Variants in CASK observed in about 807,000 individuals in gnomAD.
CASK encodes the protein calcium/calmodulin dependent serine protein kinase.
Under a neutral mutation model 82.9 loss-of-function variants are expected in CASK, and 4 were observed. The observed-to-expected ratio is 0.05, with a 90% CI of 0.02 to 0.11. The LOEUF (loss-of-function observed/expected upper bound fraction) is 0.11, where lower values mean the gene tolerates loss of function less well. Ranked by LOEUF, CASK falls within the 10% of genes least tolerant of loss-of-function variation. The pLI is 1.00. For missense variants in CASK, 358 were observed against 720.9 expected (o/e 0.50, Z 5.76); for synonymous variants, 259 against 253.5 (o/e 1.02, Z -0.20).
chrX:41,816,004 G>A (rs1292454834), intron 2 of CASK, among the ~76,000 whole-genome samples: 1 of 110,867 alleles, frequency 9.0e-6, no homozygotes, highest in Non-Finnish European at 1.9e-5. Context: ...GGGATTACAG[G>A]TACACACCAC....
At chrX:41,588,923 TA>T (rs2065702660) in intron 13 of CASK, among the ~76,000 whole-genome samples, 1 of 111,538 alleles carries the variant, frequency 9.0e-6, no homozygotes, top group South Asian at 3.7e-4. Flanking sequence ...ATTACAACTA[TA>T]AAAAAATTTA....
At chrX:41,558,167 T>G (rs2065181577) in intron 18 of CASK, 1 of 108,751 alleles carries the variant, frequency 9.2e-6, no homozygotes, top group African/African-American at 3.3e-5. Context: ...CCAGAGAGCC[T>G]TCTTTTTTTT....
rs750303051 is a variant in CASK at position 41,564,423 on chromosome X, G to A, written c.1583-2779C>T. The stretch of plus-strand genomic sequence containing the variant: ...GACACCCAGGTGAGTACAGTGGCGT[G>A]ATCATAGCTCACTACAGCCTCGAAC... On this transcript the variant is annotated intron_variant, in intron 16 of 26. Transcript: ENST00000378163. Among the ~76,000 whole-genome samples the A allele has an allele frequency of 3.6e-5, 4 of 111,665 alleles. No individual in the cohort carries two copies. In the South Asian group the frequency reaches 1.5e-3, roughly 42 times the overall value.
intron 12 of CASK, among the ~76,000 whole-genome samples, chrX:41,606,015 T>G (rs752653305): frequency 8.9e-6 from 1 of 111,794 alleles, no homozygotes; most frequent in South Asian, 3.8e-4. Flanking sequence ...TCCTCAAGAG[T>G]TCGTCATAGC....
At chrX:41,782,887 G>T (rs769902875) in intron 3 of CASK, among the ~76,000 whole-genome samples, 1 of 112,451 alleles carries the variant, frequency 8.9e-6, no homozygotes, top group South Asian at 3.7e-4. Flanking sequence ...GCTCACACCT[G>T]TAATTCCAGA....
chrX:41,861,361 G>C (rs1022105043), intron 1 of CASK, among the ~76,000 whole-genome samples: 1 of 110,171 alleles, frequency 9.1e-6, no homozygotes. Flanking sequence ...GATATATCAA[G>C]AACTATTAAT....
chrX:41,827,983 G>A (rs780106867), intron 2 of CASK, among the ~76,000 whole-genome samples: 1 of 111,617 alleles, frequency 9.0e-6, no homozygotes, highest in South Asian at 3.8e-4. Context: ...CAGAGAACAG[G>A]AAAATTACTG....
intron 5 of CASK, chrX:41,727,826 T>C: frequency 8.4e-7 from 1 of 1,188,019 alleles, no homozygotes; most frequent in Non-Finnish European, 1.1e-6. Context: ...CCTTATAGTA[T>C]TTTTAAACCC....
chrX:41,618,825 CTTTT>C (rs1207067880), intron 11 of CASK, among the ~76,000 whole-genome samples: 1 of 89,894 alleles, frequency 1.1e-5, no homozygotes, highest in Non-Finnish European at 2.2e-5. Flanking sequence ...TGTCCAATTT[CTTTT>C]TTTTTTTTTT....
chrX:41,605,096 G>C (rs1401503876), intron 12 of CASK, among the ~76,000 whole-genome samples: 1 of 111,938 alleles, frequency 8.9e-6, no homozygotes, highest in Non-Finnish European at 1.9e-5. Context: ...ATAATCTTTA[G>C]TTTTTCTTAG....
chrX:41,843,455 T>C (rs1044610358), intron 2 of CASK, among the ~76,000 whole-genome samples: 2 of 111,645 alleles, frequency 1.8e-5, no homozygotes, highest in Non-Finnish European at 3.8e-5. Flanking sequence ...ATAAGGTGTA[T>C]GACGTTGATT....
At chrX:41,900,079 A>G (rs1230231151) in intron 1 of CASK, among the ~76,000 whole-genome samples, 1 of 106,107 alleles carries the variant, frequency 9.4e-6, no homozygotes, top group Non-Finnish European at 1.9e-5. Context: ...CGCTTTGAAT[A>G]TATCATCCCA....
chrX:41,805,103 T>C (rs779805927), intron 2 of CASK, among the ~76,000 whole-genome samples: 40 of 111,708 alleles, frequency 3.6e-4, no homozygotes, highest in Non-Finnish European at 5.1e-4. Context: ...TCTTGGTTAA[T>C]TACAATGTTC....
intron 22 of CASK, among the ~76,000 whole-genome samples, chrX:41,540,119 A>T (rs1272076088): frequency 8.9e-6 from 1 of 111,877 alleles, no homozygotes; most frequent in Non-Finnish European, 1.9e-5. Flanking sequence ...GACATGTAGA[A>T]CAACCCCTTA....
At chrX:41,813,159 A>G (rs1317932544) in intron 2 of CASK, among the ~76,000 whole-genome samples, 1 of 111,666 alleles carries the variant, frequency 9.0e-6, no homozygotes, top group African/African-American at 3.3e-5. Context: ...GAAAATGGCC[A>G]TACTGCCCAA....
chrX:41,686,215 G>C (rs1279509867), intron 5 of CASK, among the ~76,000 whole-genome samples: 1 of 110,683 alleles, frequency 9.0e-6, no homozygotes, highest in Non-Finnish European at 1.9e-5. Flanking sequence ...TCAGCCTCCT[G>C]AGTAGCTGGG....
intron 2 of CASK, among the ~76,000 whole-genome samples, chrX:41,817,288 G>GT (rs770795806): frequency 8.9e-6 from 1 of 111,807 alleles, no homozygotes; most frequent in South Asian, 3.7e-4. Flanking sequence ...ACAATCTAAT[G>GT]TTTTTTCTCT....
At chrX:41,894,187 C>T (rs1196346765) in intron 1 of CASK, among the ~76,000 whole-genome samples, 2 of 109,830 alleles carry the variant, frequency 1.8e-5, no homozygotes, top group African/African-American at 6.6e-5. Flanking sequence ...AAATAGAGAA[C>T]ATCAATAAAG....
chrX:41,795,822 C>T (rs1010640027), intron 2 of CASK, among the ~76,000 whole-genome samples: 22 of 111,019 alleles, frequency 2.0e-4, no homozygotes, highest in African/African-American at 6.9e-4. Context: ...AAGGCGGGGC[C>T]TTAACTCCTC....
Sources: allele counts gnomAD v4.1 joint callset (sites outside exome capture counted in the v4.1 genomes callset), GRCh38; gene constraint gnomAD v4.1.1; transcripts MANE v1.5; gene names NCBI Gene and HGNC (gene_info 2026-07-23, HGNC 2026-07-21).